SH3GL3: variants seen among roughly 807,000 people sequenced by gnomAD.
SH3GL3 encodes SH3 domain containing GRB2 like 3, endophilin A3, also known as endophilin-A3.
Under a neutral mutation model 47.7 loss-of-function variants are expected in SH3GL3, and 33 were observed. The observed-to-expected ratio is 0.69, with a 90% CI of 0.52 to 0.92. SH3GL3 has a LOEUF of 0.92. SH3GL3 is among the 40% of genes least tolerant of loss of function. SH3GL3 has a pLI of 0.00. For synonymous variants in SH3GL3, 155 were observed against 148.8 expected (o/e 1.04, Z -0.30); for missense variants, 363 against 417.8 (o/e 0.87, Z 1.14).
chr15:83,617,644 C>A (rs565545659), intron 8 of SH3GL3, among the ~76,000 whole-genome samples: 1 of 152,080 alleles, frequency 6.6e-6, no homozygotes, highest in East Asian at 1.9e-4. Flanking sequence ...CCATTGCACT[C>A]CAGCCTGGGC....
chr15:83,587,985 T>C (rs949298900), intron 7 of SH3GL3, among the ~76,000 whole-genome samples: 5 of 152,146 alleles, frequency 3.3e-5, no homozygotes, highest in African/African-American at 1.2e-4. Context: ...CAGGAGTGTA[T>C]TTTCATAATT....
chr15:83,630,432 C>T, the SH3GL3 span, among the ~76,000 whole-genome samples: 1 of 152,052 alleles, frequency 6.6e-6, no homozygotes, highest in African/African-American at 2.4e-5. Context: ...ATATCTGTGA[C>T]TGTATTAGTC....
chr15:83,467,003 C>T (rs1198499863), intron 1 of SH3GL3, among the ~76,000 whole-genome samples: 1 of 152,180 alleles, frequency 6.6e-6, no homozygotes, highest in Admixed American at 6.5e-5. Context: ...CTTGTCTTTT[C>T]ATCCTCTTGA....
the SH3GL3 span, among the ~76,000 whole-genome samples, chr15:83,624,581 A>G: frequency 2.6e-5 from 4 of 152,332 alleles, no homozygotes; most frequent in South Asian, 4.1e-4. Context: ...CTGATTGAGG[A>G]CAAGTACAGT....
intron 1 of SH3GL3, among the ~76,000 whole-genome samples, chr15:83,501,619 C>T (rs1168197629): frequency 6.6e-6 from 1 of 152,224 alleles, no homozygotes; most frequent in Admixed American, 6.5e-5. Context: ...TGGCTGGGTG[C>T]AGTGGCTCAC....
At chr15:83,520,507 G>T (rs1676683815) in intron 1 of SH3GL3, among the ~76,000 whole-genome samples, 1 of 152,094 alleles carries the variant, frequency 6.6e-6, no homozygotes. Context: ...TGGAAAAGTG[G>T]GAGAAAGCTG....
intron 8 of SH3GL3, among the ~76,000 whole-genome samples, chr15:83,612,471 G>A (rs919996973): frequency 1.3e-5 from 2 of 152,228 alleles, no homozygotes; most frequent in Non-Finnish European, 2.9e-5. Context: ...AGCACTTCCT[G>A]CTGGGGACTT....
In SH3GL3 at chr15:83,616,495, G is replaced by A. The variant is rs939810931; in HGVS notation, c.839-1587G>A. On this transcript the variant is annotated intron_variant, in intron 8 of 8. Transcript: ENST00000427482. ...CTGAACTCGTGATCCGCCCGCCTCA[G>A]CCTCCCAAAGTGCTGGGATTACAAG... 1.6e-4 allele frequency among the ~76,000 whole-genome samples: 24 copies of A among 152,216 alleles called. 1 individual carries two copies. Among genetic ancestry groups the A allele is most frequent in the Non-Finnish European group, 1.2e-4 (8 of 68,018 alleles).
chr15:83,529,877 C>T lies in SH3GL3; in HGVS notation c.46-29376C>T, dbSNP rs547877540. ...AGAGTGCATGCTAGTGCATAGTGGCCACGCAGGCAAACAGCTGTCAGGCTT... is the reference window on the plus strand; with the variant it reads ...AGAGTGCATGCTAGTGCATAGTGGCTACGCAGGCAAACAGCTGTCAGGCTT... On this transcript the variant is annotated intron_variant, in intron 1 of 8. Coordinates refer to ENST00000427482, the MANE Select transcript of SH3GL3 (RefSeq NM_003027.5). Among the ~76,000 whole-genome samples, 5 of 152,238 alleles carry T rather than the reference C, an allele frequency of 3.3e-5. No individual in the cohort carries two copies. In the South Asian group the frequency reaches 1.0e-3, roughly 32 times the overall value.
At position 83,582,729 on chromosome 15, in the gene SH3GL3, C is replaced by T. The variant is rs951775907; in HGVS notation, c.625-4254C>T. 9.9e-5 allele frequency among the ~76,000 whole-genome samples: 15 copies of T among 152,270 alleles called. 1 individual carries two copies. The highest frequency in any genetic ancestry group is 1.3e-4 in the Admixed American group (2 of 15,294). On this transcript the variant is annotated intron_variant, in intron 6 of 8. Transcript: ENST00000427482. ...CTTGTAGAAAGCATACCCAGCAAGGCGTGAGATACCTGAATTCTGTTTCTG... is the reference window on the plus strand; with the variant it reads ...CTTGTAGAAAGCATACCCAGCAAGGTGTGAGATACCTGAATTCTGTTTCTG...
At chr15:83,572,838 C>A in intron 5 of SH3GL3, 140 bp downstream of exon 5, 1 of 608,024 alleles carries the variant, frequency 1.6e-6, no homozygotes, top group Non-Finnish European at 2.8e-6. Flanking sequence ...GTTCTATTTT[C>A]CTGGGCTCAC....
downstream of SH3GL3, among the ~76,000 whole-genome samples, chr15:83,623,247 G>T (rs939319658): frequency 9.9e-5 from 15 of 152,174 alleles, no homozygotes. Context: ...CTGTGTAAAA[G>T]CCACCCCCCA....
intron 1 of SH3GL3, among the ~76,000 whole-genome samples, chr15:83,457,179 G>T (rs749124905): frequency 1.3e-5 from 2 of 152,152 alleles, no homozygotes; most frequent in Non-Finnish European, 2.9e-5. Flanking sequence ...TTCCATTTCT[G>T]GACCTTCTTG....
intron 1 of SH3GL3, among the ~76,000 whole-genome samples, chr15:83,480,068 T>TAAGATGA (rs2041278121): frequency 6.6e-6 from 1 of 152,224 alleles, no homozygotes; most frequent in South Asian, 2.1e-4. Context: ...TACTGTGACA[T>TAAGATGA]AAGATGAAGA....
At chr15:83,460,609 C>G (rs2040245402) in intron 1 of SH3GL3, among the ~76,000 whole-genome samples, 1 of 152,076 alleles carries the variant, frequency 6.6e-6, no homozygotes, top group Non-Finnish European at 1.5e-5. Context: ...TTTGTGCTGT[C>G]TTTATTAGCT....
intron 6 of SH3GL3, among the ~76,000 whole-genome samples, chr15:83,585,657 G>T (rs753791500): frequency 1.3e-5 from 2 of 152,322 alleles, no homozygotes; most frequent in East Asian, 1.9e-4. Flanking sequence ...TTAGGATTTA[G>T]TAGGGGCCAG....
intron 1 of SH3GL3, among the ~76,000 whole-genome samples, chr15:83,453,495 G>T (rs2039877712): frequency 6.9e-6 from 1 of 144,754 alleles, no homozygotes; most frequent in Non-Finnish European, 1.5e-5. Flanking sequence ...GCCTGTTATT[G>T]GTCTATTCAG....
intron 1 of SH3GL3, among the ~76,000 whole-genome samples, chr15:83,549,566 G>T (rs1372215145): frequency 1.3e-5 from 2 of 152,138 alleles, no homozygotes; most frequent in Non-Finnish European, 2.9e-5. Context: ...TCCAATTTCT[G>T]TCTCTTGATC....
intron 7 of SH3GL3, among the ~76,000 whole-genome samples, chr15:83,587,525 TAAAA>T (rs35935527): frequency 3.5e-4 from 37 of 105,024 alleles, no homozygotes; most frequent in African/African-American, 1.2e-3. Context: ...TAAATATCTG[TAAAA>T]AAAAAAAAAA....
Sources: gnomAD v4.1 joint callset for allele counts (sites outside exome capture counted in the v4.1 genomes callset) on GRCh38, gnomAD v4.1.1 for gene constraint, MANE v1.5 for transcripts, NCBI Gene and HGNC (gene_info 2026-07-23, HGNC 2026-07-21) for gene names.